The following FAAH2 variants were observed in gnomAD, a reference collection of about 807,000 sequenced individuals.
The protein encoded by FAAH2 is fatty-acid amide hydrolase 2.
In FAAH2, 60 loss-of-function variants were observed where a neutral mutation model predicts 36.9. The ratio of observed to expected loss-of-function variants is 1.63; its 90% CI spans 1.32 to 2.02. The LOEUF (loss-of-function observed/expected upper bound fraction) is 2.02. Among genes scored for constraint, FAAH2 ranks in the 30% most tolerant of loss-of-function variants. The probability of loss-of-function intolerance (pLI) is 0.00; values close to 1 mark genes in which losing one functional copy is unlikely to be tolerated. For synonymous variants in FAAH2, 214 were observed against 143.8 expected (o/e 1.49, Z -3.49); for missense variants, 689 against 397.5 (o/e 1.73, Z -6.23).
At chrX:57,408,385 T>C (rs994170238) in intron 7 of FAAH2, among the ~76,000 whole-genome samples, 1 of 111,147 alleles carries the variant, frequency 9.0e-6, no homozygotes, top group Admixed American at 9.6e-5. Context: ...GTTGAACTTA[T>C]GTGTTAGTAT....
At chrX:57,356,372 G>A (rs1253962878) in intron 5 of FAAH2, among the ~76,000 whole-genome samples, 1 of 110,575 alleles carries the variant, frequency 9.0e-6, no homozygotes, top group Non-Finnish European at 1.9e-5. Context: ...TTCTGTGAAG[G>A]TATCTGTTCC....
At position 57,378,637 on chromosome X, in the gene FAAH2, G is replaced by T; in HGVS notation, c.743-14G>T. On this transcript the variant is annotated splice_polypyrimidine_tract_variant and intron_variant, in intron 5 of 10. Transcript: ENST00000374900. ...CTTATTTTGGGCGGCTAACCTGACT[G>T]TCTATCCTTTCAGGTGTGGTTCCCA... 1 of 1,210,505 alleles carries T rather than the reference G, an allele frequency of 8.3e-7. No homozygotes were observed.
At chrX:57,345,127 T>C (rs898840451) in intron 5 of FAAH2, among the ~76,000 whole-genome samples, 1 of 108,936 alleles carries the variant, frequency 9.2e-6, no homozygotes, top group East Asian at 2.9e-4. Context: ...CTCAATTTTT[T>C]TTTTTTTTTG....
At chrX:57,424,051 C>T (rs185091813) in intron 7 of FAAH2, among the ~76,000 whole-genome samples, 1 of 111,732 alleles carries the variant, frequency 8.9e-6, no homozygotes, top group South Asian at 3.8e-4. Context: ...GCCCACACAA[C>T]CCCAGCTACT....
At chrX:57,124,880 C>T in the FAAH2 span, among the ~76,000 whole-genome samples, 2 of 112,372 alleles carry the variant, frequency 1.8e-5, no homozygotes, top group Admixed American at 1.9e-4. Context: ...GCTGAAGTTG[C>T]TTATCAGCTT....
intron 10 of FAAH2, among the ~76,000 whole-genome samples, chrX:57,456,195 A>G (rs770880258): frequency 8.9e-6 from 1 of 112,025 alleles, no homozygotes; most frequent in South Asian, 3.7e-4. Context: ...TCTCCTGAAT[A>G]ACTCTTGGGC....
chrX:57,335,529 A>T (rs1238164128), intron 4 of FAAH2, among the ~76,000 whole-genome samples: 1 of 113,265 alleles, frequency 8.8e-6, no homozygotes, highest in Non-Finnish European at 1.9e-5. Context: ...AGCATGTCCC[A>T]CCTCCAGCCC....
At chrX:57,269,533 A>C in the FAAH2 span, among the ~76,000 whole-genome samples, 1 of 111,960 alleles carries the variant, frequency 8.9e-6, no homozygotes, top group Non-Finnish European at 1.9e-5. Context: ...AGTCTCTAGG[A>C]CTATGGTGCA....
intron 7 of FAAH2, chrX:57,393,730 G>A: frequency 1.9e-5 from 19 of 1,018,131 alleles, no homozygotes; most frequent in Middle Eastern, 2.6e-4. Context: ...TGAGAGCCAG[G>A]ACAGCCATAA....
intron 2 of FAAH2, among the ~76,000 whole-genome samples, chrX:57,305,610 C>T (rs2052499159): frequency 1.8e-5 from 2 of 111,445 alleles, no homozygotes. Context: ...GAGATTATGC[C>T]CCTTTCCTGC....
chrX:57,153,698 C>CCT, the FAAH2 span, among the ~76,000 whole-genome samples: 1 of 112,410 alleles, frequency 8.9e-6, no homozygotes, highest in South Asian at 3.6e-4. Flanking sequence ...GGCCCCAATT[C>CCT]CTTCTAGCTC....
chrX:57,405,729 T>C (rs969677298), intron 7 of FAAH2, among the ~76,000 whole-genome samples: 1 of 100,026 alleles, frequency 1.0e-5, no homozygotes, highest in African/African-American at 3.7e-5. Context: ...AGCTCTGAAA[T>C]TCTTTCTTCT....
At chrX:57,199,713 A>C in the FAAH2 span, among the ~76,000 whole-genome samples, 6 of 111,324 alleles carry the variant, frequency 5.4e-5, no homozygotes, top group Non-Finnish European at 9.4e-5. Context: ...GTTGTAATCT[A>C]TCTCTCTCCT....
intron 10 of FAAH2, among the ~76,000 whole-genome samples, chrX:57,474,666 CAT>C (rs756564773): frequency 8.9e-6 from 1 of 111,980 alleles, no homozygotes; most frequent in Non-Finnish European, 1.9e-5. Flanking sequence ...CTGCAATAAA[CAT>C]ATGTGTGCAT....
intron 7 of FAAH2, among the ~76,000 whole-genome samples, chrX:57,423,455 A>T (rs943735240): frequency 9.0e-6 from 1 of 111,245 alleles, no homozygotes; most frequent in African/African-American, 3.3e-5. Flanking sequence ...GGACAATTTA[A>T]TGATCTGAAG....
chrX:57,232,674 T>C, the FAAH2 span, among the ~76,000 whole-genome samples: 4 of 112,328 alleles, frequency 3.6e-5, no homozygotes, highest in Non-Finnish European at 7.5e-5. Flanking sequence ...TTTGCCAGTT[T>C]ATACTTCATA....
At chrX:57,241,835 C>A in the FAAH2 span, among the ~76,000 whole-genome samples, 6 of 111,329 alleles carry the variant, frequency 5.4e-5, no homozygotes, top group South Asian at 3.8e-4. Flanking sequence ...AGAATAATGG[C>A]CTCCGGAACT....
At chrX:57,301,509 G>A (rs1440177639) in intron 2 of FAAH2, among the ~76,000 whole-genome samples, 1 of 106,213 alleles carries the variant, frequency 9.4e-6, no homozygotes, top group Non-Finnish European at 1.9e-5. Flanking sequence ...TATACCTAAT[G>A]CTAAATGACG....
chrX:57,311,360 C>A (rs1179403376), intron 3 of FAAH2, among the ~76,000 whole-genome samples: 2 of 112,296 alleles, frequency 1.8e-5, no homozygotes, highest in Non-Finnish European at 3.8e-5. Context: ...CCTTAAATGG[C>A]TCCTGCGAAA....
Sources: gnomAD v4.1 joint callset for allele counts (sites outside exome capture counted in the v4.1 genomes callset) on GRCh38, gnomAD v4.1.1 for gene constraint, MANE v1.5 for transcripts, NCBI Gene and HGNC (gene_info 2026-07-23, HGNC 2026-07-21) for gene names.